SLC7A6: variants seen among roughly 807,000 people sequenced by gnomAD.
SLC7A6 encodes Y+L amino acid transporter 2.
SLC7A6 carries 29 observed loss-of-function variants against 46.6 expected under a neutral mutation model. The observed-to-expected ratio is 0.62, with a 90% CI of 0.46 to 0.85. The LOEUF (loss-of-function observed/expected upper bound fraction) is 0.85, where lower values mean the gene tolerates loss of function less well. Among genes scored for constraint, SLC7A6 ranks in the 40% least tolerant of loss-of-function variants. SLC7A6 has a pLI of 0.00. For missense variants in SLC7A6, 527 were observed against 647.6 expected (o/e 0.81, Z 2.02); for synonymous variants, 276 against 257.3 (o/e 1.07, Z -0.70).
At chr16:68,297,101 G>C (rs2043187231) in intron 10 of SLC7A6, 133 bp from the exon 11 acceptor site, 1 of 811,594 alleles carries the variant, frequency 1.2e-6, no homozygotes, top group South Asian at 1.8e-5. Flanking sequence ...TTGGGAGACA[G>C]GGGCAAAGCC....
chr16:68,283,891 C>T (rs2042875992), intron 3 of SLC7A6, among the ~76,000 whole-genome samples: 1 of 152,136 alleles, frequency 6.6e-6, no homozygotes, highest in East Asian at 1.9e-4. Context: ...TTATGGTAAG[C>T]TAGGGGGGCT....
intron 3 of SLC7A6, among the ~76,000 whole-genome samples, chr16:68,278,072 T>TCAGCCTCCCGAGTA (rs1391973901): frequency 6.6e-6 from 1 of 152,114 alleles, no homozygotes; most frequent in Admixed American, 6.6e-5. Flanking sequence ...TTCTCCTGCC[T>TCAGCCTCCCGAGTA]CAGCCTCCCG....
chr16:68,270,213 G>A (rs185291585), intron 2 of SLC7A6, among the ~76,000 whole-genome samples: 6,441 of 144,478 alleles, frequency 0.045, 160 homozygotes, highest in Middle Eastern at 0.15. Flanking sequence ...TCAGTCTTAA[G>A]CAGGCCCTGT....
intron 3 of SLC7A6, among the ~76,000 whole-genome samples, chr16:68,278,567 G>A (rs1452117786): frequency 6.6e-6 from 1 of 151,162 alleles, no homozygotes; most frequent in African/African-American, 2.4e-5. Context: ...ATCTTGCACT[G>A]CCCTTAATCC....
chr16:68,278,003 G>T (rs188338457), intron 3 of SLC7A6, among the ~76,000 whole-genome samples: 1 of 150,596 alleles, frequency 6.6e-6, no homozygotes, highest in Admixed American at 6.6e-5. Context: ...ACAGTGGCTC[G>T]ATCTCTGCTC....
At chr16:68,293,127 T>C (rs748961299) in intron 7 of SLC7A6, among the ~76,000 whole-genome samples, 21 of 152,030 alleles carry the variant, frequency 1.4e-4, no homozygotes, top group Admixed American at 1.4e-3. Context: ...TAAAAGAACA[T>C]AGTGTCCAGC....
At chr16:68,296,576 G>A (rs539790476) in intron 9 of SLC7A6, 51 bp from the exon 10 acceptor site, 35 of 1,613,478 alleles carry the variant, frequency 2.2e-5, no homozygotes, top group Admixed American at 5.0e-5. Flanking sequence ...TCTTGCCCAC[G>A]AGCTGTTTCC....
chr16:68,291,126 G>C, intron 5 of SLC7A6, 83 bp from the exon 6 acceptor site: 2 of 1,580,196 alleles, frequency 1.3e-6, no homozygotes, highest in South Asian at 1.1e-5. Flanking sequence ...TTAAATGTTA[G>C]GAAAATCCCA....
At chr16:68,287,552 T>C in intron 3 of SLC7A6, 194 bp from the exon 4 acceptor site, 1 of 1,446,472 alleles carries the variant, frequency 6.9e-7, no homozygotes, top group Non-Finnish European at 9.1e-7. Context: ...CCAGTAGTGA[T>C]GGAAGTGCCT....
chr16:68,276,951 C>T (rs1440936143), intron 3 of SLC7A6, among the ~76,000 whole-genome samples: 4 of 151,686 alleles, frequency 2.6e-5, no homozygotes, highest in East Asian at 1.9e-4. Flanking sequence ...GCTATGATCA[C>T]GCCACTGCAC....
At chr16:68,280,269 G>A (rs771677993) in intron 3 of SLC7A6, among the ~76,000 whole-genome samples, 23 of 152,244 alleles carry the variant, frequency 1.5e-4, no homozygotes, top group Admixed American at 1.3e-4. Flanking sequence ...AGAGGGGTCC[G>A]GCTTGTTGGT....
chr16:68,300,575 T>C lies in SLC7A6; in HGVS notation c.*3247T>C, dbSNP rs1255745626. 1.0e-6 allele frequency: 1 copy of C among 967,866 alleles called. No homozygotes were observed. The highest frequency in any genetic ancestry group is 1.2e-6 in the Non-Finnish European group (1 of 814,056). The allele number at this position is 967,866 out of a possible 1,614,324, so 60.0% of individuals were successfully genotyped here. On this transcript the variant is annotated 3_prime_UTR_variant, in exon 11 of 11. Transcript: ENST00000219343. ...TCTATTTCACTACCGCTCCCTGTTT[T>C]AGATATTCAGATTTAAAAGGTTTTC...
chr16:68,295,160 A>G (rs2043137581), intron 8 of SLC7A6, among the ~76,000 whole-genome samples: 1 of 152,134 alleles, frequency 6.6e-6, no homozygotes. Context: ...TGTGCCAATT[A>G]TTATTGTATG....
intron 3 of SLC7A6, among the ~76,000 whole-genome samples, chr16:68,279,479 G>A (rs2042789491): frequency 6.6e-6 from 1 of 152,188 alleles, no homozygotes. Context: ...TTAATTTTCA[G>A]CTTTATCATT....
At chr16:68,287,941 T>G in intron 4 of SLC7A6, 70 bp downstream of exon 4, 1 of 1,575,044 alleles carries the variant, frequency 6.3e-7, no homozygotes, top group Non-Finnish European at 8.7e-7. Flanking sequence ...GGCGACTCTG[T>G]TAGCTTCACT....
intron 3 of SLC7A6, chr16:68,284,597 A>G: frequency 1.0e-6 from 1 of 973,688 alleles, no homozygotes; most frequent in Non-Finnish European, 1.2e-6. Context: ...AACCTGTAGG[A>G]CATTTATGGC....
Position 68,277,554 on chromosome 16 carries a change from G to C in SLC7A6, c.523+2305G>C, listed in dbSNP as rs542007829. On this transcript the variant is annotated intron_variant, in intron 3 of 10. Coordinates refer to ENST00000219343, the MANE Select transcript of SLC7A6 (RefSeq NM_003983.6). Reference sequence around the variant, plus strand: ...TCTCGATGTCCTGACCTCGTGATCCGCCCGCCTCGGCCTCCCAAAGTGCTG... The same window carrying C: ...TCTCGATGTCCTGACCTCGTGATCCCCCCGCCTCGGCCTCCCAAAGTGCTG... 2.0e-5 allele frequency among the ~76,000 whole-genome samples: 3 copies of C among 151,762 alleles called. No homozygotes were observed. In the South Asian group the frequency reaches 6.2e-4, roughly 32 times the overall value.
At chr16:68,294,878 A>C (rs547880406) in intron 8 of SLC7A6, 77 bp downstream of exon 8, 18 of 984,216 alleles carry the variant, frequency 1.8e-5, no homozygotes, top group Non-Finnish European at 2.9e-5. Flanking sequence ...TTGTTAAATA[A>C]GAGGGACCCT....
chr16:68,290,564 C>T (rs1006131608), intron 5 of SLC7A6, 24 bp downstream of exon 5: 12 of 1,613,658 alleles, frequency 7.4e-6, no homozygotes, highest in Non-Finnish European at 1.0e-5. Flanking sequence ...CACACTCTCA[C>T]TCCCCAGCTT....
Sources: gnomAD v4.1 joint callset for allele counts (sites outside exome capture counted in the v4.1 genomes callset) on GRCh38, gnomAD v4.1.1 for gene constraint, MANE v1.5 for transcripts, NCBI Gene and HGNC (gene_info 2026-07-23, HGNC 2026-07-21) for gene names.